The following DLGAP1 variants were observed in gnomAD, a reference collection of about 807,000 sequenced individuals.
DLGAP1 encodes the protein disks large-associated protein 1.
A neutral mutation model predicts 90.8 loss-of-function variants in DLGAP1; 11 were observed. The ratio of observed to expected loss-of-function variants is 0.12; its 90% CI spans 0.08 to 0.20. DLGAP1 has a LOEUF of 0.20. DLGAP1 is among the 10% of genes least tolerant of loss of function. The probability of loss-of-function intolerance (pLI) is 1.00; values close to 1 mark genes in which losing one functional copy is unlikely to be tolerated. For synonymous variants in DLGAP1, 558 were observed against 540.7 expected (o/e 1.03, Z -0.44); for missense variants, 1,050 against 1,333.8 (o/e 0.79, Z 3.31).
intron 2 of DLGAP1, among the ~76,000 whole-genome samples, chr18:4,016,452 G>A (rs1461753624): frequency 6.6e-6 from 1 of 152,180 alleles, no homozygotes; most frequent in Non-Finnish European, 1.5e-5. Flanking sequence ...AGAAAACCTT[G>A]TGTACATTCT....
At chr18:3,920,021 A>C (rs2072231207) in intron 3 of DLGAP1, among the ~76,000 whole-genome samples, 1 of 152,200 alleles carries the variant, frequency 6.6e-6, no homozygotes, top group African/African-American at 2.4e-5. Flanking sequence ...TTCCACATCA[A>C]ACACCTTGAA....
chr18:4,412,484 G>C (rs1032019077), intron 1 of DLGAP1, among the ~76,000 whole-genome samples: 1 of 152,212 alleles, frequency 6.6e-6, no homozygotes, highest in Admixed American at 6.5e-5. Context: ...TGCTGGCTCT[G>C]CTAACAGAGA....
chr18:4,443,851 G>A (rs2083595849), intron 1 of DLGAP1, among the ~76,000 whole-genome samples: 1 of 152,176 alleles, frequency 6.6e-6, no homozygotes. Context: ...CACAAGATGT[G>A]AAATACTGTG....
At chr18:3,877,826 T>C (rs1354756470) in intron 4 of DLGAP1, among the ~76,000 whole-genome samples, 2 of 152,244 alleles carry the variant, frequency 1.3e-5, no homozygotes, top group African/African-American at 4.8e-5. Flanking sequence ...TGATAACTTA[T>C]TAACATGTAG....
chr18:4,112,380 G>A (rs745981168), intron 2 of DLGAP1, among the ~76,000 whole-genome samples: 32 of 152,130 alleles, frequency 2.1e-4, no homozygotes, highest in Non-Finnish European at 7.4e-5. Context: ...TACTTCAGAA[G>A]AATATTCTGT....
At chr18:4,341,054 C>A (rs1239563204) in intron 1 of DLGAP1, among the ~76,000 whole-genome samples, 1 of 151,960 alleles carries the variant, frequency 6.6e-6, no homozygotes, top group Non-Finnish European at 1.5e-5. Flanking sequence ...AGTTAAGGAG[C>A]CCTTAAGTAT....
At chr18:3,583,184 A>ACCTACCTACCTACCTTCCTTCCTT (rs1555688608) in intron 7 of DLGAP1, among the ~76,000 whole-genome samples, 4 of 127,704 alleles carry the variant, frequency 3.1e-5, no homozygotes, top group African/African-American at 1.3e-4. Context: ...CTACCTACCT[A>ACCTACCTACCTACCTTCCTTCCTT]CCTTCCTTCC....
At chr18:3,979,680 A>G (rs745586803) in intron 3 of DLGAP1, among the ~76,000 whole-genome samples, 25 of 152,226 alleles carry the variant, frequency 1.6e-4, no homozygotes, top group Non-Finnish European at 2.8e-4. Context: ...GTTTATTTCA[A>G]TATTGCTAAA....
rs149173923 is a variant in DLGAP1, at chr18:4,015,237, C to T, written c.-158-10036G>A. ...TGCTCTCTCTTGAAGTGCATATTGA[C>T]GCCCTAGAGGGTTCTGTCCATGATG... On this transcript the variant is annotated intron_variant, in intron 2 of 12. Coordinates refer to ENST00000315677, the MANE Select transcript of DLGAP1 (RefSeq NM_004746.4). Among the ~76,000 whole-genome samples, 295 of 152,172 alleles carry T rather than the reference C, an allele frequency of 1.9e-3. 1 individual carries two copies. Among genetic ancestry groups the T allele is most frequent in the African/African-American group, 5.8e-3 (241 of 41,480 alleles).
Position 4,018,567 on chromosome 18 carries a change from T to A in DLGAP1, c.-158-13366A>T, listed in dbSNP as rs536632752. 3.9e-5 allele frequency among the ~76,000 whole-genome samples: 6 copies of A among 152,322 alleles called. No individual in the cohort carries two copies. The East Asian group carries it at 1.2e-3, about 29-fold the overall frequency. ...CCGGCAAGTTTAAATAACAAAATATTTAGGAATGAGTACTTCCCATGTAAC... is the reference window on the plus strand; with the variant it reads ...CCGGCAAGTTTAAATAACAAAATATATAGGAATGAGTACTTCCCATGTAAC... On this transcript the variant is annotated intron_variant, in intron 2 of 12. Transcript: ENST00000315677.
chr18:4,047,946 C>T lies in DLGAP1; in HGVS notation c.-158-42745G>A, dbSNP rs1377302618. Among the ~76,000 whole-genome samples the T allele has an allele frequency of 5.3e-5, 8 of 152,256 alleles. 1 individual carries two copies. The highest frequency in any genetic ancestry group is 1.9e-4 in the African/African-American group (8 of 41,540). On this transcript the variant is annotated intron_variant, in intron 2 of 12. Transcript: ENST00000315677. ...AAGTAGCTGGGGCCACAGGTGCATGCTACCATGCCCAGCGAAGTTTTTCTT... is the reference window on the plus strand; with the variant it reads ...AAGTAGCTGGGGCCACAGGTGCATGTTACCATGCCCAGCGAAGTTTTTCTT...
intron 1 of DLGAP1, among the ~76,000 whole-genome samples, chr18:4,437,957 C>T (rs562612474): frequency 6.6e-6 from 1 of 152,152 alleles, no homozygotes; most frequent in African/African-American, 2.4e-5. Context: ...CTTATAATCT[C>T]TGAATTGTCC....
chr18:4,282,160 C>T (rs369449903), intron 1 of DLGAP1, among the ~76,000 whole-genome samples: 28 of 152,026 alleles, frequency 1.8e-4, no homozygotes, highest in East Asian at 5.8e-4. Flanking sequence ...GTCAGGAGAT[C>T]GAGATCATCC....
chr18:4,435,004 C>T (rs2083369960), intron 1 of DLGAP1, among the ~76,000 whole-genome samples: 1 of 152,194 alleles, frequency 6.6e-6, no homozygotes, highest in South Asian at 2.1e-4. Flanking sequence ...TGGCACACTA[C>T]AAACTTGAAA....
In DLGAP1 at chr18:3,506,390, G is replaced by A. The variant is rs182368777; in HGVS notation, c.2571+2180C>T. ...TGGCCGGCTGTGGTGGCGCATGCCT[G>A]TAATCCCAGCTACTCGGGAGGGTGA... On this transcript the variant is annotated intron_variant, in intron 11 of 12. Coordinates refer to ENST00000315677, the MANE Select transcript of DLGAP1 (RefSeq NM_004746.4). Among the ~76,000 whole-genome samples the A allele has an allele frequency of 1.3e-4, 20 of 151,812 alleles. No individual in the cohort carries two copies. The East Asian group carries it at 3.5e-3, about 26-fold the overall frequency.
chr18:3,772,396 C>CTTTCT (rs1162708823), intron 5 of DLGAP1, among the ~76,000 whole-genome samples: 1 of 45,678 alleles, frequency 2.2e-5, no homozygotes, highest in African/African-American at 6.4e-5. Flanking sequence ...TTCTTTCTTT[C>CTTTCT]TTTCTTTCTT....
intron 7 of DLGAP1, among the ~76,000 whole-genome samples, chr18:3,666,928 CTTATTT>C (rs2059905322): frequency 6.6e-6 from 1 of 151,900 alleles, no homozygotes; most frequent in Non-Finnish European, 1.5e-5. Context: ...TGCTAATTTT[CTTATTT>C]TTAAATTTTT....
intron 1 of DLGAP1, among the ~76,000 whole-genome samples, chr18:4,225,872 G>A (rs1440850645): frequency 1.3e-5 from 2 of 151,968 alleles, no homozygotes; most frequent in African/African-American, 4.8e-5. Flanking sequence ...GAGAGATAGA[G>A]GTAGAAGGTT....
chr18:3,772,392 CTTTCTTTCTTTCTTTCTCTT>C (rs1568109593), intron 5 of DLGAP1, among the ~76,000 whole-genome samples: 2 of 42,802 alleles, frequency 4.7e-5, no homozygotes, highest in Admixed American at 2.9e-4. Context: ...TTCTTTCTTT[CTTTCTTTCTTTCTTTCTCTT>C]TCTTTCTTTC....
Sources: allele counts gnomAD v4.1 joint callset (sites outside exome capture counted in the v4.1 genomes callset), GRCh38; gene constraint gnomAD v4.1.1; transcripts MANE v1.5; gene names NCBI Gene and HGNC (gene_info 2026-07-23, HGNC 2026-07-21).